Variants in KCNG4 observed in about 807,000 individuals in gnomAD.
KCNG4 encodes the protein voltage-gated potassium channel regulatory subunit KCNG4.
Under a neutral mutation model 28.2 loss-of-function variants are expected in KCNG4, and 30 were observed. The ratio of observed to expected loss-of-function variants is 1.06; its 90% CI spans 0.80 to 1.44. KCNG4 has a LOEUF of 1.44. Among genes scored for constraint, KCNG4 ranks in the 40% most tolerant of loss-of-function variants. KCNG4 has a pLI of 0.00. For missense variants in KCNG4, 879 were observed against 712.3 expected, an observed-to-expected ratio of 1.23 and a Z score of -2.66; for synonymous variants, 375 against 315.5, an observed-to-expected ratio of 1.19 and a Z score of -2.00.
rs769772295 is a variant in KCNG4, at chr16:84,222,978, T to C, written c.799A>G (p.Thr267Ala). Residue 267 changes from threonine to alanine, a missense_variant, in exon 3 of 3, where the codon ACC becomes GCC. Transcript: ENST00000308251. ...AGGGAGAACCAGGCCACGCAGATGGTCTCCACGATGAAAATATAGTAGCAC... is the reference window on the plus strand; with the variant it reads ...AGGGAGAACCAGGCCACGCAGATGGCCTCCACGATGAAAATATAGTAGCAC... ...RKCYYIFIVE[T>A]ICVAWFSLEF... is the part of the protein sequence containing the mutation. The C allele has an allele frequency of 7.8e-6, 12 of 1,547,974 alleles. No individual in the cohort carries two copies. Among genetic ancestry groups the C allele is most frequent in the Non-Finnish European group, 1.0e-5 (12 of 1,146,796 alleles).
intron 2 of KCNG4, chr16:84,235,951 TGGAG>T (rs970241979): frequency 1.3e-5 from 2 of 151,916 alleles, no homozygotes; most frequent in African/African-American, 4.8e-5. Context: ...GGCTCCCGAG[TGGAG>T]GGAGGGTGTC....
In KCNG4 at chr16:84,236,756, G is replaced by T. The variant is rs748575821; in HGVS notation, c.730C>A (p.Pro244Thr). Residue 244 changes from proline (P) to threonine (T), a missense_variant, in exon 2 of 3, where the codon CCC becomes ACC. Transcript: ENST00000308251. ...TGGTCCTCCTCTGCCCTGAGGTCGG[G>T]CATGGTGCTGACACACAGGCTGACG... ...TAVSLCVSTM[P>T]DLRAEEDQGE... 6.2e-6 allele frequency: 10 copies of T among 1,613,090 alleles called. No homozygotes were observed. The South Asian group carries it at 1.1e-4, about 18-fold the overall frequency.
chr16:84,237,478 A>G lies in KCNG4; in HGVS notation c.8T>C (p.Met3Thr). Residue 3 changes from methionine to threonine, a missense_variant, in exon 2 of 3, where the codon ATG becomes ACG. Transcript: ENST00000308251. ...ATGCAGGCCCCCGTCTCTGGAAGGCATGGGCATTGCTGAAGACCACCAGGT... is the reference window on the plus strand; with the variant it reads ...ATGCAGGCCCCCGTCTCTGGAAGGCGTGGGCATTGCTGAAGACCACCAGGT... MPMPSRDGGLHPR... is the reference protein window; with the variant it reads MPTPSRDGGLHPR... 6.7e-7 allele frequency: 1 copy of G among 1,496,778 alleles called. No individual in the cohort carries two copies. The highest frequency in any genetic ancestry group is 1.4e-5 in the South Asian group (1 of 69,856). The allele number at this position is 1,496,778 out of a possible 1,614,324, so 92.7% of individuals were successfully genotyped here.
rs771928850 is a variant in KCNG4 at position 84,221,271 on chromosome 16, T to C, written c.*946A>G. 1 of 152,224 alleles carries C rather than the reference T, an allele frequency of 6.6e-6. No individual in the cohort carries two copies. Among genetic ancestry groups the C allele is most frequent in the East Asian group, 1.9e-4 (1 of 5,190 alleles). 9.4% of individuals were successfully genotyped at this position (152,224 alleles called of 1,614,324 possible). On this transcript the variant is annotated 3_prime_UTR_variant, in exon 3 of 3. Transcript: ENST00000308251. Reference sequence around the variant, plus strand: ...CCCTTGTTTCTGTGCCAAAGCTACATTGAGTCCATGGGGGCTCAGCTGTGG... The same window carrying C: ...CCCTTGTTTCTGTGCCAAAGCTACACTGAGTCCATGGGGGCTCAGCTGTGG...
At chr16:84,232,021 A>AAG (rs1404726150) in intron 2 of KCNG4, among the ~76,000 whole-genome samples, 17 of 151,804 alleles carry the variant, frequency 1.1e-4, no homozygotes, top group African/African-American at 3.1e-4. Flanking sequence ...AAAAAAAAAA[A>AAG]AAGAGTCAGG....
chr16:84,236,595 A>G (rs1047552652), intron 2 of KCNG4, 135 bp downstream of exon 2: 26 of 1,012,108 alleles, frequency 2.6e-5, no homozygotes, highest in Non-Finnish European at 3.5e-5. Flanking sequence ...AATAATGAAT[A>G]TAACCCATGT....
rs11647345 is a variant in KCNG4, at chr16:84,219,945, C to T, written c.*2272G>A. 29,697 of 151,166 alleles carry T rather than the reference C, an allele frequency of 0.2. 3,106 individuals are homozygous for T. Among genetic ancestry groups the T allele is most frequent in the Non-Finnish European group, 0.23 (15,373 of 67,794 alleles). The allele number at this position is 151,166 out of a possible 1,614,324, so 9.4% of individuals were successfully genotyped here. A position where few individuals can be genotyped will look rare whatever the true frequency, so the allele number is the denominator to read the frequency against. On this transcript the variant is annotated 3_prime_UTR_variant, in exon 3 of 3. Coordinates refer to ENST00000308251, the MANE Select transcript of KCNG4 (RefSeq NM_172347.3). Reference sequence around the variant, plus strand: ...ATTACAGGTGGTGGGTGCCTGTAATCCCCGCTATTTGGGAGGCTGAGGCAG... The same window carrying T: ...ATTACAGGTGGTGGGTGCCTGTAATTCCCGCTATTTGGGAGGCTGAGGCAG...
At chr16:84,234,961 G>A (rs1490259162) in intron 2 of KCNG4, among the ~76,000 whole-genome samples, 1 of 152,122 alleles carries the variant, frequency 6.6e-6, no homozygotes, top group East Asian at 1.9e-4. Context: ...GCCTGTCTCT[G>A]GGCACACACA....
At chr16:84,228,559 G>C (rs1432581933) in intron 2 of KCNG4, among the ~76,000 whole-genome samples, 1 of 151,676 alleles carries the variant, frequency 6.6e-6, no homozygotes, top group Non-Finnish European at 1.5e-5. Context: ...CCTCCCCCCA[G>C]GCACTACTCA....
chr16:84,229,737 GCAGAGGAAA>G (rs1375392004), intron 2 of KCNG4, among the ~76,000 whole-genome samples: 1 of 152,238 alleles, frequency 6.6e-6, no homozygotes, highest in African/African-American at 2.4e-5. Context: ...CTGTGAGGAG[GCAGAGGAAA>G]CAGTGTCACC....
At position 84,226,619 on chromosome 16, in the gene KCNG4, C is replaced by T. The variant is rs149100755; in HGVS notation, c.757-3599G>A. Among the ~76,000 whole-genome samples the T allele has an allele frequency of 0.022, 3,270 of 151,928 alleles. 120 individuals are homozygous for T. The highest frequency in any genetic ancestry group is 0.075 in the African/African-American group (3,103 of 41,438). On this transcript the variant is annotated intron_variant, in intron 2 of 2. Transcript: ENST00000308251. The surrounding 1 kb of genome is among the most constrained non-coding windows in gnomAD (Gnocchi z 4.1). ...ATTGGCTGGGCACAATGGCTCACGC[C>T]TGTAATCCCAGCACTTTGGGAGGGC...
rs760335696 is a variant in KCNG4 at position 84,218,999 on chromosome 16, G to A, written c.*3218C>T. 1.3e-5 allele frequency: 2 copies of A among 152,284 alleles called. No individual in the cohort carries two copies. The highest frequency in any genetic ancestry group is 2.4e-5 in the African/African-American group (1 of 41,450). 9.4% of individuals were successfully genotyped at this position (152,284 alleles called of 1,614,324 possible). On this transcript the variant is annotated 3_prime_UTR_variant, in exon 3 of 3. Transcript: ENST00000308251. ...TTCGATGAGAAGGCAGGGCAGATGTGGGGGCTGATGTGGGTCCCAGACCTT... is the reference window on the plus strand; with the variant it reads ...TTCGATGAGAAGGCAGGGCAGATGTAGGGGCTGATGTGGGTCCCAGACCTT...
rs1016252729 is a variant in KCNG4, at chr16:84,226,079, G to A, written c.757-3059C>T. On this transcript the variant is annotated intron_variant, in intron 2 of 2. Coordinates refer to ENST00000308251, the MANE Select transcript of KCNG4 (RefSeq NM_172347.3). This position sits in a 1 kb window ranked among gnomAD's most constrained non-coding sequence, Gnocchi z 4.1. ...AGTTCCGGGTCCTAGGAACCCCCTG[G>A]GCCCTGGGCACACCGGGATGGTTGG... is the stretch of plus-strand genomic sequence containing the variant. Among the ~76,000 whole-genome samples, 1 of 152,180 alleles carries A rather than the reference G, an allele frequency of 6.6e-6. No homozygotes were observed. Among genetic ancestry groups the A allele is most frequent in the Non-Finnish European group, 1.5e-5 (1 of 68,038 alleles).
chr16:84,223,517 T>A (rs549290546), intron 2 of KCNG4, among the ~76,000 whole-genome samples: 1 of 152,114 alleles, frequency 6.6e-6, no homozygotes, highest in Admixed American at 6.5e-5. Context: ...TAGTTTGGGG[T>A]CTCTTTGTTA....
intron 2 of KCNG4, among the ~76,000 whole-genome samples, chr16:84,229,542 C>G (rs917584684): frequency 6.6e-6 from 1 of 152,230 alleles, no homozygotes; most frequent in African/African-American, 2.4e-5. Context: ...GGCCGCCATC[C>G]CATCGCCTCT....
rs1597616832 is a variant in KCNG4, at chr16:84,226,163, C to A, written c.757-3143G>T. Among the ~76,000 whole-genome samples the A allele has an allele frequency of 6.6e-6, 1 of 152,306 alleles. No individual in the cohort carries two copies. The highest frequency in any genetic ancestry group is 1.9e-4 in the East Asian group (1 of 5,184). Reference sequence around the variant, plus strand: ...CGAGGTGTGTTCTGGCTCCTTCCTGCAATGAAGAAGAGCAAGCGTCAGCCT... The same window carrying A: ...CGAGGTGTGTTCTGGCTCCTTCCTGAAATGAAGAAGAGCAAGCGTCAGCCT... On this transcript the variant is annotated intron_variant, in intron 2 of 2. Coordinates refer to ENST00000308251, the MANE Select transcript of KCNG4 (RefSeq NM_172347.3). The surrounding 1 kb of genome is among the most constrained non-coding windows in gnomAD (Gnocchi z 4.1).
In KCNG4 at chr16:84,220,909, T is replaced by C. The variant is rs1215511838; in HGVS notation, c.*1308A>G. On this transcript the variant is annotated 3_prime_UTR_variant, in exon 3 of 3. Coordinates refer to ENST00000308251, the MANE Select transcript of KCNG4 (RefSeq NM_172347.3). ...CCTGTGCACATCACTCTGCCCTCCA[T>C]AAAGCATTCAAGGCCCACGCCTTCT... is the stretch of plus-strand genomic sequence containing the variant. The C allele has an allele frequency of 2.0e-5, 3 of 152,366 alleles. No individual in the cohort carries two copies. Among genetic ancestry groups the C allele is most frequent in the African/African-American group, 7.2e-5 (3 of 41,464 alleles). The allele number at this position is 152,366 out of a possible 1,614,324, so 9.4% of individuals were successfully genotyped here.
chr16:84,224,402 T>TTACACACACACACACA (rs1904648597), intron 2 of KCNG4, among the ~76,000 whole-genome samples: 8 of 38,458 alleles, frequency 2.1e-4, no homozygotes, highest in African/African-American at 1.4e-3. Flanking sequence ...CTATACATAT[T>TTACACACACACACACA]TACACACACA....
At chr16:84,236,566 C>G (rs1904954510) in intron 2 of KCNG4, 164 bp downstream of exon 2, 1 of 878,920 alleles carries the variant, frequency 1.1e-6, no homozygotes, top group South Asian at 2.0e-5. Context: ...GGAAAATTAT[C>G]TTTTATGACT....
Sources: gnomAD v4.1 joint callset for allele counts (sites outside exome capture counted in the v4.1 genomes callset) on GRCh38, gnomAD v4.1.1 for gene constraint, Gnocchi (gnomAD v3.1) non-coding constraint, MANE v1.5 for transcripts, NCBI Gene and HGNC (gene_info 2026-07-23, HGNC 2026-07-21) for gene names.